RNF144A: variants seen among roughly 807,000 people sequenced by gnomAD.
RNF144A encodes E3 ubiquitin-protein ligase RNF144A.
In RNF144A, 11 loss-of-function variants were observed where a neutral mutation model predicts 38.7. The ratio of observed to expected loss-of-function variants is 0.28; its 90% confidence interval spans 0.18 to 0.47. The LOEUF is 0.47. Ranked by LOEUF, RNF144A falls within the 20% of genes least tolerant of loss-of-function variation. The probability of loss-of-function intolerance (pLI) is 0.99; values close to 1 mark genes in which losing one functional copy is unlikely to be tolerated. For missense variants in RNF144A, 316 were observed against 377.2 expected, an observed-to-expected ratio of 0.84 and a Z score of 1.34; for synonymous variants, 149 against 143.9, an observed-to-expected ratio of 1.04 and a Z score of -0.25.
intron 6 of RNF144A, among the ~76,000 whole-genome samples, chr2:7,059,726 A>C (rs1014450264): frequency 1.3e-5 from 2 of 152,228 alleles, no homozygotes; most frequent in African/African-American, 4.8e-5. Flanking sequence ...TAATGATGAC[A>C]GATGCTGAGC....
intron 2 of RNF144A, among the ~76,000 whole-genome samples, chr2:6,966,214 C>T (rs754650241): frequency 2.2e-4 from 33 of 151,964 alleles, no homozygotes; most frequent in African/African-American, 5.3e-4. Context: ...CTAGCTAGGA[C>T]GCAGAAACAG....
At chr2:6,961,458 C>T (rs1409417495) in intron 2 of RNF144A, among the ~76,000 whole-genome samples, 1 of 151,554 alleles carries the variant, frequency 6.6e-6, no homozygotes, top group African/African-American at 2.4e-5. Flanking sequence ...CCTTCTGTGT[C>T]CAGGGCACTG....
At chr2:7,072,342 G>A (rs368782063), downstream of RNF144A, among the ~76,000 whole-genome samples, 7 of 152,234 alleles carry the variant, frequency 4.6e-5, no homozygotes, top group East Asian at 1.9e-4. Context: ...AATGGACTCA[G>A]ATGTTTAACA....
chr2:6,979,156 T>G (rs1161984122), intron 2 of RNF144A, among the ~76,000 whole-genome samples: 1 of 152,180 alleles, frequency 6.6e-6, no homozygotes, highest in Non-Finnish European at 1.5e-5. Flanking sequence ...TGAGGGATGT[T>G]GGACAGAGAT....
chr2:6,938,314 C>G (rs974697725), intron 1 of RNF144A, among the ~76,000 whole-genome samples: 11 of 128,322 alleles, frequency 8.6e-5, no homozygotes, highest in African/African-American at 2.9e-4. Context: ...ACAGCGTGAT[C>G]TTGGCTCACT....
At chr2:7,016,979 A>G (rs1019986297) in intron 5 of RNF144A, among the ~76,000 whole-genome samples, 1 of 152,202 alleles carries the variant, frequency 6.6e-6, no homozygotes, top group African/African-American at 2.4e-5. Context: ...GCAAGCAGGA[A>G]GCCAGGGAAG....
In RNF144A at chr2:7,028,076, A is replaced by G. The variant is rs193068212; in HGVS notation, c.658-2050A>G. On this transcript the variant is annotated intron_variant, in intron 7 of 8. Transcript: ENST00000320892. ...GCACGATCCGGACACATTGCTATGA[A>G]GGAGGCTGCATGGCTAAGGGTGTAA... is the stretch of plus-strand genomic sequence containing the variant. 2.7e-3 allele frequency among the ~76,000 whole-genome samples: 405 copies of G among 152,192 alleles called. 2 individuals carry two copies. Among genetic ancestry groups the G allele is most frequent in the Middle Eastern group, 3.4e-3 (1 of 294 alleles).
intron 6 of RNF144A, among the ~76,000 whole-genome samples, chr2:7,021,613 G>A (rs899910838): frequency 6.6e-6 from 1 of 152,216 alleles, no homozygotes; most frequent in Non-Finnish European, 1.5e-5. Flanking sequence ...TCATGGTTCC[G>A]AGGACAGGGT....
chr2:6,979,199 G>A (rs995610450), intron 2 of RNF144A, among the ~76,000 whole-genome samples: 1 of 152,210 alleles, frequency 6.6e-6, no homozygotes, highest in Non-Finnish European at 1.5e-5. Flanking sequence ...GCGCTGCTGT[G>A]GGTTGACCCT....
At position 7,043,577 on chromosome 2, in the gene RNF144A, A is replaced by C; in HGVS notation, c.*3817A>C. 1 of 985,698 alleles carries C rather than the reference A, an allele frequency of 1.0e-6. No homozygotes were observed. Among genetic ancestry groups the C allele is most frequent in the Non-Finnish European group, 1.2e-6 (1 of 829,758 alleles). The allele number at this position is 985,698 out of a possible 1,614,324, so 61.1% of individuals were successfully genotyped here. ...CTTGTTTATTTCTGATAATTAACCTAAGCCCTTATGAAAATAAACAAAATG... is the reference window on the plus strand; with the variant it reads ...CTTGTTTATTTCTGATAATTAACCTCAGCCCTTATGAAAATAAACAAAATG... On this transcript the variant is annotated 3_prime_UTR_variant, in exon 9 of 9. Coordinates refer to ENST00000320892, the MANE Select transcript of RNF144A (RefSeq NM_014746.6).
At chr2:6,995,676 T>G (rs1669690237) in intron 2 of RNF144A, among the ~76,000 whole-genome samples, 1 of 152,186 alleles carries the variant, frequency 6.6e-6, no homozygotes, top group African/African-American at 2.4e-5. Flanking sequence ...GTCCAGTCTT[T>G]CCATGTTTTT....
At chr2:7,068,150 C>T in intron 6 of RNF144A, 1 of 826,380 alleles carries the variant, frequency 1.2e-6, no homozygotes. Flanking sequence ...GTGATTTACA[C>T]AAGTATCATT....
intron 3 of RNF144A, among the ~76,000 whole-genome samples, chr2:7,013,805 C>G (rs1670968720): frequency 6.6e-6 from 1 of 152,184 alleles, no homozygotes; most frequent in Non-Finnish European, 1.5e-5. Flanking sequence ...TTACTTCAGG[C>G]TTTAAGCAGT....
chr2:7,072,637 A>G (rs1674524034), downstream of RNF144A, among the ~76,000 whole-genome samples: 1 of 152,134 alleles, frequency 6.6e-6, no homozygotes, highest in African/African-American at 2.4e-5. Context: ...TTACTGATTT[A>G]TTTACCTGTC....
downstream of RNF144A, among the ~76,000 whole-genome samples, chr2:7,071,573 GTGA>G (rs1674483965): frequency 6.6e-6 from 1 of 152,206 alleles, no homozygotes; most frequent in South Asian, 2.1e-4. Flanking sequence ...TCACATTTGT[GTGA>G]TGATTACAGG....
rs867927806 is a variant in RNF144A at position 7,016,119 on chromosome 2, A to G, written c.301+1347A>G. On this transcript the variant is annotated intron_variant, in intron 5 of 8. Transcript: ENST00000320892. ...ACCCCGTCTCTAAAAAAAAAAAAAA[A>G]AAAGAAAGAAAAAGAAAAAAATATG... is the stretch of plus-strand genomic sequence containing the variant. 4.0e-4 allele frequency among the ~76,000 whole-genome samples: 60 copies of G among 151,156 alleles called. 1 individual carries two copies. Among genetic ancestry groups the G allele is most frequent in the African/African-American group, 1.3e-3 (53 of 40,838 alleles).
chr2:7,062,537 C>G (rs1451371835), intron 6 of RNF144A, among the ~76,000 whole-genome samples: 2 of 150,218 alleles, frequency 1.3e-5, no homozygotes, highest in African/African-American at 4.9e-5. Context: ...AGAAAGAGGG[C>G]CTTCAATATC....
intron 2 of RNF144A, among the ~76,000 whole-genome samples, chr2:6,969,638 C>CA (rs1667875319): frequency 6.6e-6 from 1 of 152,246 alleles, no homozygotes; most frequent in South Asian, 2.1e-4. Flanking sequence ...TGAAATACTG[C>CA]AGAGTATGAA....
At chr2:6,940,475 G>A (rs538269113) in intron 1 of RNF144A, among the ~76,000 whole-genome samples, 2 of 152,140 alleles carry the variant, frequency 1.3e-5, no homozygotes, top group South Asian at 2.1e-4. Flanking sequence ...TCCATGGATC[G>A]TAATGTTATT....
Sources: allele counts gnomAD v4.1 joint callset (sites outside exome capture counted in the v4.1 genomes callset), GRCh38; gene constraint gnomAD v4.1.1; transcripts MANE v1.5; gene names NCBI Gene and HGNC (gene_info 2026-07-23, HGNC 2026-07-21).